TMEM269: variants seen among roughly 807,000 people sequenced by gnomAD.
TMEM269 encodes the protein transmembrane protein 269.
A neutral mutation model predicts 15.8 loss-of-function variants in TMEM269; 12 were observed. That is an observed-to-expected ratio of 0.76 (90% CI 0.49 to 1.23). TMEM269 has a LOEUF of 1.23. TMEM269 is among the 50% of genes most tolerant of loss of function. The pLI, the probability that TMEM269 is intolerant of heterozygous loss-of-function variation, is 0.00. For synonymous variants in TMEM269, 93 were observed against 99.3 expected (o/e 0.94, Z 0.38); for missense variants, 211 against 245.4 (o/e 0.86, Z 0.94).
Position 42,798,732 on chromosome 1 carries a change from G to GTTTTTTTTTTT in TMEM269, c.*525_*535dup. ...GGATTTTGTAACTTCAACATTCTGG[G>GTTTTTTTTTTT]TTTTTTTTTTTTTTTTTTTTTTTTT... On this transcript the variant is annotated 3_prime_UTR_variant, in exon 6 of 6. Transcript: ENST00000637012. The GTTTTTTTTTTT allele has an allele frequency of 2.4e-5, 2 of 82,308 alleles. No homozygotes were observed. The highest frequency in any genetic ancestry group is 1.6e-4 in the Admixed American group (1 of 6,154). The allele number at this position is 82,308 out of a possible 1,614,324, so 5.1% of individuals were successfully genotyped here. A position where few individuals can be genotyped will look rare whatever the true frequency, so the allele number is the denominator to read the frequency against.
chr1:42,785,350 A>G (rs554906356), intron 1 of TMEM269, among the ~76,000 whole-genome samples: 3 of 151,958 alleles, frequency 2.0e-5, no homozygotes, highest in African/African-American at 7.3e-5. Flanking sequence ...TGCCTGTGCC[A>G]CGCGTGTCGC....
At chr1:42,793,003 A>G in intron 3 of TMEM269, 101 bp downstream of exon 3, 1 of 924,384 alleles carries the variant, frequency 1.1e-6, no homozygotes. Flanking sequence ...TTCATCAGGC[A>G]TCCACCCCTG....
intron 3 of TMEM269, 71 bp from the exon 4 acceptor site, chr1:42,793,530 C>T: frequency 6.9e-7 from 1 of 1,450,852 alleles, no homozygotes; most frequent in South Asian, 1.4e-5. Context: ...CCCCAGCTCC[C>T]CTACTAGATG....
chr1:42,800,183 T>C lies in TMEM269; in HGVS notation c.*1958T>C, dbSNP rs1653864696. ...ATCGCTTGATTGTAATGGCAATAAT[T>C]CATACTTAATTGCCTCCAGTTTTTT... On this transcript the variant is annotated 3_prime_UTR_variant, in exon 6 of 6. Coordinates refer to ENST00000637012, the MANE Select transcript of TMEM269 (RefSeq NM_001354602.2). 6.6e-6 allele frequency: 1 copy of C among 152,196 alleles called. No individual in the cohort carries two copies. The highest frequency in any genetic ancestry group is 2.1e-4 in the South Asian group (1 of 4,832). The allele number at this position is 152,196 out of a possible 1,614,324, so 9.4% of individuals were successfully genotyped here. A position where few individuals can be genotyped will look rare whatever the true frequency, so the allele number is the denominator to read the frequency against.
In TMEM269 at chr1:42,797,038, A is replaced by C. The variant is rs1342795064; in HGVS notation, c.485-1060A>C. 6.6e-6 allele frequency among the ~76,000 whole-genome samples: 1 copy of C among 152,152 alleles called. No individual in the cohort carries two copies. The highest frequency in any genetic ancestry group is 2.4e-5 in the African/African-American group (1 of 41,438). ...GTTTCTTCTTATGAAAAACAGACTT[A>C]GTTCTAAACCACGGGATTATTGTGA... On this transcript the variant is annotated intron_variant, in intron 5 of 5. Transcript: ENST00000637012. The surrounding 1 kb of genome is among the most constrained non-coding windows in gnomAD (Gnocchi z 4.9).
At position 42,797,942 on chromosome 1, in the gene TMEM269, G is replaced by A; in HGVS notation, c.485-156G>A. 1 of 813,982 alleles carries A rather than the reference G, an allele frequency of 1.2e-6. No homozygotes were observed. The highest frequency in any genetic ancestry group is 2.1e-6 in the Non-Finnish European group (1 of 479,544). The allele number at this position is 813,982 out of a possible 1,614,324, so 50.4% of individuals were successfully genotyped here. A position where few individuals can be genotyped will look rare whatever the true frequency, so the allele number is the denominator to read the frequency against. On this transcript the variant is annotated intron_variant, in intron 5 of 5. Transcript: ENST00000637012. This position sits in a 1 kb window ranked among gnomAD's most constrained non-coding sequence, Gnocchi z 4.9. ...GTTACTTACCTATCTCTATTAAACT[G>A]AACTTGAAGACAGGGCTCCTGTCTC...
In TMEM269 at chr1:42,793,001, G is replaced by T. The variant is rs1653726420; in HGVS notation, c.139+99G>T. 11 of 940,296 alleles carry T rather than the reference G, an allele frequency of 1.2e-5. No individual in the cohort carries two copies. The South Asian group carries it at 1.5e-4, about 13-fold the overall frequency. 58.2% of individuals were successfully genotyped at this position (940,296 alleles called of 1,614,324 possible). ...CTAACATCCCGCAGGCCTTCATCAG[G>T]CATCCACCCCTGTTCACACCCCGCT... is the stretch of plus-strand genomic sequence containing the variant. On this transcript the variant is annotated intron_variant, in intron 3 of 5. Transcript: ENST00000637012.
chr1:42,789,620 T>C, intron 1 of TMEM269, 176 bp from the exon 2 acceptor site: 1 of 974,146 alleles, frequency 1.0e-6, no homozygotes, highest in Non-Finnish European at 1.6e-6. Context: ...TCAGCACCTT[T>C]GTCTTCACCT....
chr1:42,798,327 A>G lies in TMEM269; in HGVS notation c.*102A>G. The G allele has an allele frequency of 7.2e-7, 1 of 1,396,984 alleles. No individual in the cohort carries two copies. Among genetic ancestry groups the G allele is most frequent in the East Asian group, 2.5e-5 (1 of 39,930 alleles). 86.5% of individuals were successfully genotyped at this position (1,396,984 alleles called of 1,614,324 possible). Reference sequence around the variant, plus strand: ...AAGCTTTGTATGTACCTGTGTTGCCATATACTAGATATATGGTATGTCTGT... The same window carrying G: ...AAGCTTTGTATGTACCTGTGTTGCCGTATACTAGATATATGGTATGTCTGT... On this transcript the variant is annotated 3_prime_UTR_variant, in exon 6 of 6. Transcript: ENST00000637012.
At chr1:42,789,451 AC>A (rs1224221227) in intron 1 of TMEM269, 2 of 1,535,250 alleles carry the variant, frequency 1.3e-6, no homozygotes, top group East Asian at 2.4e-5. Context: ...AGGGCCCCAT[AC>A]CCCCTGCATT....
intron 3 of TMEM269, 125 bp downstream of exon 3, chr1:42,793,027 G>A (rs1032164772): frequency 5.3e-6 from 4 of 757,194 alleles, no homozygotes; most frequent in Admixed American, 2.1e-5. Flanking sequence ...ACACCCCGCT[G>A]AGAGCAGCAG....
rs768875181 is a variant in TMEM269 at position 42,798,254 on chromosome 1, C to T, written c.*29C>T. The T allele has an allele frequency of 6.5e-7, 1 of 1,541,556 alleles. No individual in the cohort carries two copies. Among genetic ancestry groups the T allele is most frequent in the South Asian group, 1.2e-5 (1 of 84,042 alleles). On this transcript the variant is annotated 3_prime_UTR_variant, in exon 6 of 6. Transcript: ENST00000637012. ...AGCTAAGCAGCTCTACCAGCTCCTG[C>T]CGGCCTCTGTGGGGTTTGTGTCAGC... is the stretch of plus-strand genomic sequence containing the variant.
At position 42,798,207 on chromosome 1, in the gene TMEM269, T is replaced by C; in HGVS notation, c.594T>C (p.Cys198=). 6.5e-7 allele frequency: 1 copy of C among 1,547,522 alleles called. No individual in the cohort carries two copies. Among genetic ancestry groups the C allele is most frequent in the South Asian group, 1.2e-5 (1 of 84,058 alleles). Residue 198 remains cysteine, a synonymous_variant, in exon 6 of 6, where the codon TGT becomes TGC. Transcript: ENST00000637012. The part of the protein sequence containing the change: ...FPDALWGKAA[C]LSPQH ...ATGCTCTGTGGGGCAAGGCAGCCTG[T>C]CTTTCGCCACAGCACTGAGGAAGCT...
At chr1:42,790,502 C>A (rs1361405002) in intron 2 of TMEM269, among the ~76,000 whole-genome samples, 2 of 152,012 alleles carry the variant, frequency 1.3e-5, no homozygotes, top group African/African-American at 2.4e-5. Flanking sequence ...AAGCCCCCTT[C>A]CAGCTGGAAA....
intron 2 of TMEM269, among the ~76,000 whole-genome samples, chr1:42,791,777 G>A (rs1443342266): frequency 2.0e-5 from 3 of 152,140 alleles, no homozygotes; most frequent in Non-Finnish European, 2.9e-5. Context: ...TGAGGCCGGC[G>A]GATCACTTGA....
In TMEM269 at chr1:42,797,051, G is replaced by A. The variant is rs915990417; in HGVS notation, c.485-1047G>A. Among the ~76,000 whole-genome samples, 19 of 152,156 alleles carry A rather than the reference G, an allele frequency of 1.2e-4. No homozygotes were observed. The South Asian group carries it at 2.1e-3, about 17-fold the overall frequency. On this transcript the variant is annotated intron_variant, in intron 5 of 5. Transcript: ENST00000637012. This position sits in a 1 kb window ranked among gnomAD's most constrained non-coding sequence, Gnocchi z 4.9. The stretch of plus-strand genomic sequence containing the variant: ...AAAAACAGACTTAGTTCTAAACCAC[G>A]GGATTATTGTGAAGTGTAAATGAAA...
chr1:42,792,657 A>T (rs1279873973), intron 2 of TMEM269, 148 bp from the exon 3 acceptor site: 1 of 641,968 alleles, frequency 1.6e-6, no homozygotes, highest in Non-Finnish European at 2.8e-6. Flanking sequence ...AGTGTGGGGG[A>T]CATGAAGAGG....
intron 5 of TMEM269, 64 bp downstream of exon 5, chr1:42,794,677 C>A: frequency 8.7e-7 from 1 of 1,143,194 alleles, no homozygotes; most frequent in Non-Finnish European, 1.3e-6. Context: ...TGTACCTCAC[C>A]CCAGCATTTT....
At position 42,799,721 on chromosome 1, in the gene TMEM269, C is replaced by T. The variant is rs529786522; in HGVS notation, c.*1496C>T. On this transcript the variant is annotated 3_prime_UTR_variant, in exon 6 of 6. Coordinates refer to ENST00000637012, the MANE Select transcript of TMEM269 (RefSeq NM_001354602.2). ...ATGTGGTAAGAATTTTACAAATATACACGAGCTTAGACATTTCAATACAAT... is the reference window on the plus strand; with the variant it reads ...ATGTGGTAAGAATTTTACAAATATATACGAGCTTAGACATTTCAATACAAT... The T allele has an allele frequency of 2.0e-5, 3 of 152,320 alleles. No individual in the cohort carries two copies. The highest frequency in any genetic ancestry group is 4.1e-4 in the South Asian group (2 of 4,828). The allele number at this position is 152,320 out of a possible 1,614,324, so 9.4% of individuals were successfully genotyped here.
Sources: allele counts gnomAD v4.1 joint callset (sites outside exome capture counted in the v4.1 genomes callset), GRCh38; gene constraint gnomAD v4.1.1; non-coding constraint Gnocchi (gnomAD v3.1); transcripts MANE v1.5; gene names NCBI Gene and HGNC (gene_info 2026-07-23, HGNC 2026-07-21).